LARP1: variants seen among roughly 807,000 people sequenced by gnomAD.
LARP1 encodes la-related protein 1.
LARP1 carries 36 observed loss-of-function variants against 122.7 expected under a neutral mutation model. The ratio of observed to expected loss-of-function variants is 0.29; its 90% confidence interval spans 0.22 to 0.39. LARP1 has a LOEUF of 0.39. Ranked by LOEUF, LARP1 falls within the 10% of genes least tolerant of loss-of-function variation. The pLI is 1.00. For synonymous variants in LARP1, 539 were observed against 528.7 expected, an observed-to-expected ratio of 1.02 and a Z score of -0.27; for missense variants, 1,040 against 1,403.6, an observed-to-expected ratio of 0.74 and a Z score of 4.14.
chr5:154,736,588 CAG>C (rs1322136231), intron 1 of LARP1, among the ~76,000 whole-genome samples: 8 of 118,492 alleles, frequency 6.8e-5, no homozygotes, highest in African/African-American at 2.1e-4. Context: ...TTATTTTAGA[CAG>C]AGTCTCACTC....
intron 1 of LARP1, among the ~76,000 whole-genome samples, chr5:154,744,550 GC>G (rs1261660712): frequency 1.3e-5 from 2 of 151,202 alleles, no homozygotes; most frequent in Admixed American, 1.3e-4. Context: ...GCTGAAATTG[GC>G]CAGAGGACTG....
chr5:154,685,833 G>C (rs1195001383), intron 1 of LARP1: 1 of 511,162 alleles, frequency 2.0e-6, no homozygotes, highest in African/African-American at 2.0e-5. Flanking sequence ...AAATTTTAGA[G>C]ACGGGGTCTT....
chr5:154,790,051 C>T (rs1051966239), intron 1 of LARP1, among the ~76,000 whole-genome samples: 3 of 152,196 alleles, frequency 2.0e-5, no homozygotes, highest in African/African-American at 7.2e-5. Context: ...TCTCTGAGGG[C>T]CTCCCACCTG....
chr5:154,756,423 T>TTTTTTTAATGATAC, intron 1 of LARP1: 1 of 994,612 alleles, frequency 1.0e-6, no homozygotes, highest in Non-Finnish European at 1.2e-6. Context: ...GGCCACCGCC[T>TTTTTTTAATGATAC]GGGCCGCAGC....
At chr5:154,717,257 A>G (rs138683230) in intron 1 of LARP1, among the ~76,000 whole-genome samples, 1 of 152,156 alleles carries the variant, frequency 6.6e-6, no homozygotes, top group East Asian at 1.9e-4. Flanking sequence ...TACAGTCCCT[A>G]CCATTCCCTA....
chr5:154,794,960 G>C (rs1200584245), intron 7 of LARP1, among the ~76,000 whole-genome samples: 1 of 152,216 alleles, frequency 6.6e-6, no homozygotes, highest in Admixed American at 6.5e-5. Context: ...GAGGGGCTTA[G>C]GGCAGAGGGA....
At position 154,717,907 on chromosome 5, in the gene LARP1, T is replaced by C. The variant is rs144085343; in HGVS notation, c.205+4777T>C. On this transcript the variant is annotated intron_variant, in intron 1 of 18. Coordinates refer to the LARP1 transcript ENST00000336314. ...CACACACACACCTATGGGTTAGAAA[T>C]AGCCTTTCATTTTCTTTTTTCTTTT... Among the ~76,000 whole-genome samples the C allele has an allele frequency of 2.6e-4, 39 of 152,094 alleles. No homozygotes were observed. In the East Asian group the frequency reaches 7.0e-3, roughly 27 times the overall value.
At chr5:154,806,492 A>G (rs1306069192) in intron 15 of LARP1, among the ~76,000 whole-genome samples, 1 of 152,210 alleles carries the variant, frequency 6.6e-6, no homozygotes, top group Non-Finnish European at 1.5e-5. Flanking sequence ...AGGGGTTGTA[A>G]GAAAAAAAGA....
chr5:154,790,197 C>A, intron 1 of LARP1, 128 bp from the exon 2 acceptor site: 1 of 694,748 alleles, frequency 1.4e-6, no homozygotes, highest in South Asian at 2.0e-5. Context: ...CCCCTCTCTA[C>A]TGTGTCTTTC....
intron 1 of LARP1, among the ~76,000 whole-genome samples, chr5:154,779,555 C>G (rs1195306486): frequency 7.0e-6 from 1 of 143,642 alleles, no homozygotes; most frequent in Non-Finnish European, 1.5e-5. Context: ...GTTGCCCAGA[C>G]TGGAGTGCAG....
At chr5:154,708,263 G>C (rs1053457044), upstream of LARP1, among the ~76,000 whole-genome samples, 2 of 152,120 alleles carry the variant, frequency 1.3e-5, no homozygotes, top group African/African-American at 4.8e-5. Context: ...ATTCCAGTTC[G>C]GCTTTGAATG....
rs1011985061 is a variant in LARP1, at chr5:154,755,742, G to C, written c.-16G>C. On this transcript the variant is annotated 5_prime_UTR_variant, in exon 1 of 19. Transcript: ENST00000518297. The stretch of plus-strand genomic sequence containing the variant: ...CCTCGGGCGCGCCCGGCTTCTCCGG[G>C]GGGGCGGGCGCGCAGATGGCCACTC... The C allele has an allele frequency of 3.0e-5, 30 of 987,472 alleles. No homozygotes were observed. The highest frequency in any genetic ancestry group is 6.1e-5 in the Admixed American group (1 of 16,268). The allele number at this position is 987,472 out of a possible 1,614,324, so 61.2% of individuals were successfully genotyped here.
rs779612340 is a variant in LARP1, at chr5:154,801,998, C to G, written c.1717-9C>G. ...TGATTCCTTTTCCCCTTCGTCTGTCCTATTTTAGAAGTCAGAGGAGTCCAG... is the reference window on the plus strand; with the variant it reads ...TGATTCCTTTTCCCCTTCGTCTGTCGTATTTTAGAAGTCAGAGGAGTCCAG... On this transcript the variant is annotated splice_polypyrimidine_tract_variant and intron_variant, in intron 10 of 18. Coordinates refer to ENST00000518297, the MANE Select transcript of LARP1 (RefSeq NM_033551.3). The G allele has an allele frequency of 2.5e-6, 4 of 1,600,844 alleles. No individual in the cohort carries two copies. In the Admixed American group the frequency reaches 5.1e-5, roughly 21 times the overall value.
intron 7 of LARP1, among the ~76,000 whole-genome samples, 187 bp downstream of exon 7, chr5:154,794,449 A>G (rs1417018982): frequency 6.6e-6 from 1 of 152,250 alleles, no homozygotes; most frequent in Non-Finnish European, 1.5e-5. Flanking sequence ...CAGAAGTGGT[A>G]CAACATTTAC....
chr5:154,804,603 G>A (rs371187322), intron 14 of LARP1, among the ~76,000 whole-genome samples: 54 of 152,312 alleles, frequency 3.5e-4, no homozygotes, highest in African/African-American at 1.2e-3. Context: ...AGGAAGAATA[G>A]CCAGGTAGTT....
chr5:154,771,919 C>T (rs541148551), intron 1 of LARP1, among the ~76,000 whole-genome samples: 11 of 152,228 alleles, frequency 7.2e-5, no homozygotes, highest in South Asian at 2.1e-4. Flanking sequence ...CCAAAGAGGA[C>T]GGAAAATACC....
At chr5:154,810,085 T>C (rs957745671) in intron 16 of LARP1, among the ~76,000 whole-genome samples, 5 of 152,134 alleles carry the variant, frequency 3.3e-5, no homozygotes. Context: ...CTCTATTCGT[T>C]GACATTTGTA....
intron 1 of LARP1, among the ~76,000 whole-genome samples, chr5:154,724,670 T>G (rs556413281): frequency 0.01 from 1,558 of 151,648 alleles, 13 homozygotes; most frequent in Non-Finnish European, 0.014. Context: ...CTGGGAATTT[T>G]TTTTTTTTTT....
At chr5:154,786,680 A>G (rs190788034) in intron 1 of LARP1, 15 of 284,196 alleles carry the variant, frequency 5.3e-5, no homozygotes, top group Middle Eastern at 1.4e-3. Context: ...ATTCCTCGCC[A>G]GTAGACACAT....
Sources: gnomAD v4.1 joint callset for allele counts (sites outside exome capture counted in the v4.1 genomes callset) on GRCh38, gnomAD v4.1.1 for gene constraint, MANE v1.5 for transcripts, NCBI Gene and HGNC (gene_info 2026-07-23, HGNC 2026-07-21) for gene names.